Variants in PDE11A observed in about 807,000 individuals in gnomAD.
PDE11A encodes the protein phosphodiesterase 11A.
PDE11A carries 100 observed loss-of-function variants against 100.5 expected under a neutral mutation model. The ratio of observed to expected loss-of-function variants is 1.00; its 90% CI spans 0.85 to 1.18. The LOEUF (loss-of-function observed/expected upper bound fraction) is 1.18, where lower values mean the gene tolerates loss of function less well. Among genes scored for constraint, PDE11A ranks in the 50% most tolerant of loss-of-function variants. The probability of loss-of-function intolerance (pLI) is 0.00; values close to 1 mark genes in which losing one functional copy is unlikely to be tolerated. For missense variants in PDE11A, 1,141 were observed against 1,152.6 expected (o/e 0.99, Z 0.15); for synonymous variants, 381 against 420.8 (o/e 0.91, Z 1.16).
chr2:177,918,103 A>G (rs1348016433), intron 2 of PDE11A, among the ~76,000 whole-genome samples: 1 of 152,242 alleles, frequency 6.6e-6, no homozygotes, highest in Non-Finnish European at 1.5e-5. Flanking sequence ...AGTTTGGCCT[A>G]ACAACAAACA....
chr2:177,802,186 A>G (rs1225358786), intron 9 of PDE11A, among the ~76,000 whole-genome samples: 1 of 152,138 alleles, frequency 6.6e-6, no homozygotes, highest in Non-Finnish European at 1.5e-5. Flanking sequence ...AGAATGACTA[A>G]AATTAAAATC....
intron 13 of PDE11A, among the ~76,000 whole-genome samples, chr2:177,704,645 C>A (rs1250555995): frequency 6.6e-6 from 1 of 152,078 alleles, no homozygotes; most frequent in Non-Finnish European, 1.5e-5. Flanking sequence ...AATACTAGTT[C>A]TTCTGAATGT....
chr2:177,691,049 A>G (rs1184353036), intron 15 of PDE11A, among the ~76,000 whole-genome samples: 2 of 152,172 alleles, frequency 1.3e-5, no homozygotes, highest in African/African-American at 4.8e-5. Context: ...AGAGTGAGCT[A>G]AAGAGTAAGG....
intron 12 of PDE11A, among the ~76,000 whole-genome samples, chr2:177,713,933 A>G (rs1469213025): frequency 2.2e-5 from 2 of 91,760 alleles, no homozygotes; most frequent in African/African-American, 7.7e-5. Context: ...ACTACTTTCT[A>G]TTTTCTTTTT....
intron 2 of PDE11A, among the ~76,000 whole-genome samples, chr2:178,080,759 G>A (rs767618816): frequency 9.2e-5 from 14 of 151,558 alleles, no homozygotes; most frequent in Non-Finnish European, 1.8e-4. Context: ...GTTATTTATG[G>A]CTTGATTCAA....
At chr2:177,794,878 C>A (rs752549642) in intron 9 of PDE11A, among the ~76,000 whole-genome samples, 2 of 152,086 alleles carry the variant, frequency 1.3e-5, no homozygotes, top group African/African-American at 4.8e-5. Context: ...CTCTGCCTCC[C>A]GGATTCAAGC....
chr2:177,684,554 C>G (rs989050740), intron 15 of PDE11A, among the ~76,000 whole-genome samples: 1 of 152,166 alleles, frequency 6.6e-6, no homozygotes, highest in Admixed American at 6.5e-5. Context: ...TGGGTCTTTA[C>G]TGTGTTCCTG....
chr2:177,642,815 TC>T (rs2080162822), intron 19 of PDE11A, among the ~76,000 whole-genome samples: 1 of 152,210 alleles, frequency 6.6e-6, no homozygotes, highest in Non-Finnish European at 1.5e-5. Context: ...ACGTGACATG[TC>T]ATGGGAGGAA....
intron 10 of PDE11A, among the ~76,000 whole-genome samples, chr2:177,752,164 T>G (rs1004342384): frequency 1.3e-5 from 2 of 152,236 alleles, no homozygotes; most frequent in African/African-American, 4.8e-5. Context: ...TCAGTGTATT[T>G]CATATCATCT....
chr2:177,844,934 ACTT>A (rs1362182546), intron 5 of PDE11A, among the ~76,000 whole-genome samples: 1 of 151,736 alleles, frequency 6.6e-6, no homozygotes, highest in Non-Finnish European at 1.5e-5. Flanking sequence ...TCCCATGTCT[ACTT>A]CTTTCTACAC....
At chr2:177,947,629 C>A (rs1469260104) in intron 2 of PDE11A, among the ~76,000 whole-genome samples, 2 of 151,728 alleles carry the variant, frequency 1.3e-5, no homozygotes, top group South Asian at 4.2e-4. Context: ...ACAAACACTG[C>A]GGAAGGCCGC....
chr2:177,738,009 G>C (rs2081817855), intron 10 of PDE11A, among the ~76,000 whole-genome samples: 1 of 152,206 alleles, frequency 6.6e-6, no homozygotes, highest in African/African-American at 2.4e-5. Flanking sequence ...GTGAATTTGA[G>C]TTGTGTGAAC....
At chr2:178,028,827 C>T (rs1328876937) in intron 1 of PDE11A, among the ~76,000 whole-genome samples, 1 of 152,150 alleles carries the variant, frequency 6.6e-6, no homozygotes, top group East Asian at 1.9e-4. Flanking sequence ...GGCCAGGAAC[C>T]ATTCTATAAA....
intron 1 of PDE11A, among the ~76,000 whole-genome samples, chr2:178,050,738 A>G (rs1228766018): frequency 6.6e-6 from 1 of 152,234 alleles, no homozygotes; most frequent in African/African-American, 2.4e-5. Context: ...GATTCGATCA[A>G]CTGGAAGAAA....
chr2:178,104,482 A>G, intron 1 of PDE11A: 2 of 1,613,134 alleles, frequency 1.2e-6, no homozygotes, highest in Non-Finnish European at 1.7e-6. Context: ...TTGCTCTGCA[A>G]TGGAACATTA....
In PDE11A at chr2:178,072,514, C is replaced by T; in HGVS notation, c.-77G>A. ...GCCCCGAGGCCTCTAGCTGTTCCTG[C>T]ACATGTTCACCCCCACCAGTATTCC... is the stretch of plus-strand genomic sequence containing the variant. On this transcript the variant is annotated 5_prime_UTR_variant, in exon 1 of 20. Coordinates refer to ENST00000286063, the MANE Select transcript of PDE11A (RefSeq NM_016953.4). The T allele has an allele frequency of 1.3e-6, 2 of 1,588,428 alleles. No homozygotes were observed. Among genetic ancestry groups the T allele is most frequent in the South Asian group, 1.1e-5 (1 of 88,828 alleles).
intron 2 of PDE11A, among the ~76,000 whole-genome samples, chr2:177,952,471 A>G (rs59464466): frequency 0.038 from 5,732 of 152,270 alleles, 374 homozygotes; most frequent in African/African-American, 0.13. Context: ...AGGACAGAAA[A>G]CATTTGGAGT....
intron 2 of PDE11A, among the ~76,000 whole-genome samples, chr2:177,956,308 A>C (rs1242512723): frequency 6.6e-6 from 1 of 152,248 alleles, no homozygotes; most frequent in Non-Finnish European, 1.5e-5. Flanking sequence ...CACATGAAAA[A>C]ATGCTCATCA....
At chr2:177,869,209 T>G (rs566496331) in intron 5 of PDE11A, among the ~76,000 whole-genome samples, 20 of 152,334 alleles carry the variant, frequency 1.3e-4, no homozygotes, top group African/African-American at 4.8e-4. Flanking sequence ...ACAACACCTA[T>G]TTATTATCTC....
Sources: gnomAD v4.1 joint callset for allele counts (sites outside exome capture counted in the v4.1 genomes callset) on GRCh38, gnomAD v4.1.1 for gene constraint, MANE v1.5 for transcripts, NCBI Gene and HGNC (gene_info 2026-07-23, HGNC 2026-07-21) for gene names.